Variants in ACSL1 observed in about 807,000 individuals in gnomAD.
ACSL1 encodes long-chain-fatty-acid--CoA ligase 1.
A neutral mutation model predicts 98.4 loss-of-function variants in ACSL1; 41 were observed. The ratio of observed to expected loss-of-function variants is 0.42; its 90% confidence interval spans 0.32 to 0.54. The LOEUF is 0.54. ACSL1 is among the 20% of genes least tolerant of loss of function. The pLI, the probability that ACSL1 is intolerant of heterozygous loss-of-function variation, is 0.13. For synonymous variants in ACSL1, 316 were observed against 322.7 expected, an observed-to-expected ratio of 0.98 and a Z score of 0.22; for missense variants, 734 against 883.1, an observed-to-expected ratio of 0.83 and a Z score of 2.14.
Position 184,762,028 on chromosome 4 carries a change from G to A in ACSL1, c.1638+379C>T, listed in dbSNP as rs538377545. On this transcript the variant is annotated intron_variant, in intron 17 of 20. Transcript: ENST00000281455. Reference sequence around the variant, plus strand: ...TGTAATCCTAGATACTTGGGAGGCTGAGGCAGGAGAATCACTTGAACCCGA... The same window carrying A: ...TGTAATCCTAGATACTTGGGAGGCTAAGGCAGGAGAATCACTTGAACCCGA... Among the ~76,000 whole-genome samples, 11 of 152,132 alleles carry A rather than the reference G, an allele frequency of 7.2e-5. No homozygotes were observed. The South Asian group carries it at 2.3e-3, about 32-fold the overall frequency.
chr4:184,821,693 A>T (rs1773081743), intron 1 of ACSL1, among the ~76,000 whole-genome samples: 1 of 152,262 alleles, frequency 6.6e-6, no homozygotes, highest in African/African-American at 2.4e-5. Context: ...TCTGAAAAAT[A>T]TCCAACAAAT....
intron 4 of ACSL1, among the ~76,000 whole-genome samples, chr4:184,782,672 G>A (rs1408226753): frequency 6.6e-6 from 1 of 152,216 alleles, no homozygotes; most frequent in Non-Finnish European, 1.5e-5. Context: ...GGCTCTGACA[G>A]GACAGAATAA....
chr4:184,767,647 T>A (rs1363503028), intron 12 of ACSL1, among the ~76,000 whole-genome samples: 1 of 152,232 alleles, frequency 6.6e-6, no homozygotes, highest in Non-Finnish European at 1.5e-5. Context: ...ATACAGAGTA[T>A]TATATGTTGA....
In ACSL1 at chr4:184,803,677, A is replaced by C; in HGVS notation, c.-32-131T>G. Reference sequence around the variant, plus strand: ...GTCCAGGCATTAAACCCACAATCTAATGATCCGGGGCTTTTCCTGGCTGTC... The same window carrying C: ...GTCCAGGCATTAAACCCACAATCTACTGATCCGGGGCTTTTCCTGGCTGTC... On this transcript the variant is annotated intron_variant, in intron 1 of 20. Coordinates refer to ENST00000281455, the MANE Select transcript of ACSL1 (RefSeq NM_001995.5). This position sits in a 1 kb window ranked among gnomAD's most constrained non-coding sequence, Gnocchi z 4.8. 4.3e-6 allele frequency: 2 copies of C among 465,974 alleles called. No homozygotes were observed. The highest frequency in any genetic ancestry group is 3.6e-6 in the Non-Finnish European group (1 of 281,190). The allele number at this position is 465,974 out of a possible 1,614,324, so 28.9% of individuals were successfully genotyped here. A position where few individuals can be genotyped will look rare whatever the true frequency, so the allele number is the denominator to read the frequency against.
intron 2 of ACSL1, among the ~76,000 whole-genome samples, chr4:184,790,432 T>C (rs887798347): frequency 3.9e-5 from 6 of 152,230 alleles, no homozygotes; most frequent in Admixed American, 3.3e-4. Flanking sequence ...CATGTGTGTA[T>C]TTCACTCTTG....
Position 184,773,698 on chromosome 4 carries a change from T to C in ACSL1, c.806A>G (p.Asp269Gly). 6.2e-7 allele frequency: 1 copy of C among 1,611,294 alleles called. No individual in the cohort carries two copies. The highest frequency in any genetic ancestry group is 8.5e-7 in the Non-Finnish European group (1 of 1,179,288). The change falls in exon 9 of 21, where the codon GAT (aspartate) becomes GGT (glycine). Residue 269 changes from aspartate (D) to glycine (G), a missense_variant. Asp to Gly is a moderately conservative substitution (Grantham distance 94, BLOSUM62 -1). Coordinates refer to ENST00000281455, the MANE Select transcript of ACSL1 (RefSeq NM_001995.5). This position sits in a 1 kb window ranked among gnomAD's most constrained non-coding sequence, Gnocchi z 4.3. ...RRKPKPPAPE[D>G]LAVICFTSGT... ...ACTTGTGAAACAAATTACTGCAAGA[T>C]CTTCAGGTGCTGGAGGCTAAAGATT...
In ACSL1 at chr4:184,770,438, A is replaced by C; in HGVS notation, c.954T>G (p.Ser318=). 1 of 1,613,784 alleles carries C rather than the reference A, an allele frequency of 6.2e-7. No individual in the cohort carries two copies. The highest frequency in any genetic ancestry group is 8.5e-7 in the Non-Finnish European group (1 of 1,179,962). ...VNPCPDDTLI[S]FLPLAHMFER... is the part of the protein sequence containing the mutation. ...CAAACATATGGGCGAGAGGCAAGAA[A>C]GATATCAAAGTATCATCTGGGCAAG... The change falls in exon 11 of 21, where the codon TCT becomes TCG. Residue 318 remains serine (S), a synonymous_variant. Coordinates refer to ENST00000281455, the MANE Select transcript of ACSL1 (RefSeq NM_001995.5).
chr4:184,768,737 A>G (rs569895964), intron 11 of ACSL1, among the ~76,000 whole-genome samples: 20 of 152,216 alleles, frequency 1.3e-4, no homozygotes, highest in South Asian at 8.3e-4. Flanking sequence ...TGCGGTGGTA[A>G]GTATCTGTTC....
Position 184,760,354 on chromosome 4 carries a change from T to G in ACSL1, c.1782+3A>C, listed in dbSNP as rs185445390. ...CAAGATTCAAGACCCAGAAAGCACA[T>G]ACCTGCAGGCTTTCTCCGTGGACAA... On this transcript the variant is annotated splice_donor_region_variant and intron_variant, in intron 18 of 20. Coordinates refer to ENST00000281455, the MANE Select transcript of ACSL1 (RefSeq NM_001995.5). 6 of 1,613,902 alleles carry G rather than the reference T, an allele frequency of 3.7e-6. No individual in the cohort carries two copies. In the Admixed American group the frequency reaches 1.0e-4, roughly 27 times the overall value.
At chr4:184,820,105 T>A (rs932644994) in intron 1 of ACSL1, among the ~76,000 whole-genome samples, 2 of 152,098 alleles carry the variant, frequency 1.3e-5, no homozygotes, top group African/African-American at 4.8e-5. Context: ...TTGTGTTACC[T>A]TGGCCAAGTC....
chr4:184,758,037 C>G (rs191282598), intron 18 of ACSL1, 117 bp from the exon 19 acceptor site: 1 of 956,760 alleles, frequency 1.0e-6, no homozygotes, highest in East Asian at 2.6e-5. Context: ...TATGGCTCAT[C>G]TATTCAGAAC....
intron 1 of ACSL1, among the ~76,000 whole-genome samples, chr4:184,806,233 G>C (rs1561238721): frequency 1.3e-5 from 2 of 152,204 alleles, no homozygotes; most frequent in Admixed American, 1.3e-4. Context: ...ATGTACACCA[G>C]GCGGGATAAG....
chr4:184,768,730 G>A (rs549990631), intron 11 of ACSL1, among the ~76,000 whole-genome samples: 5 of 152,250 alleles, frequency 3.3e-5, no homozygotes, highest in South Asian at 2.1e-4. Context: ...CTTTTAGTGC[G>A]GTGGTAAGTA....
Position 184,766,693 on chromosome 4 carries a change from CT to C in ACSL1, c.1191del (p.Glu398LysfsTer18). ...RWLLDFASKRKEAELRSGIIR... is the reference protein window; with the variant it reads ...RWLLDFASKRXEAELRSGIIR... ...ATGATGCCGCTGCGAAGCTCTGCTTCTTTCCTCTTGGAGGCAAAGTCCAAGA... is the reference window on the plus strand; with the variant it reads ...ATGATGCCGCTGCGAAGCTCTGCTTCTTCCTCTTGGAGGCAAAGTCCAAGA... On this transcript the variant is annotated frameshift_variant, in exon 13 of 21. Coordinates refer to ENST00000281455, the MANE Select transcript of ACSL1 (RefSeq NM_001995.5). LOFTEE classifies it high-confidence loss of function. The surrounding 1 kb of genome is among the most constrained non-coding windows in gnomAD (Gnocchi z 4.8). 1 of 1,614,206 alleles carries C rather than the reference CT, an allele frequency of 6.2e-7. No homozygotes were observed. The highest frequency in any genetic ancestry group is 8.5e-7 in the Non-Finnish European group (1 of 1,180,038).
rs1773359807 is a variant in ACSL1, at chr4:184,825,057, C to G, written c.-33+859G>C. 4 of 458,926 alleles carry G rather than the reference C, an allele frequency of 8.7e-6. No individual in the cohort carries two copies. The highest frequency in any genetic ancestry group is 1.1e-5 in the Non-Finnish European group (4 of 348,632). The allele number at this position is 458,926 out of a possible 1,614,324, so 28.4% of individuals were successfully genotyped here. On this transcript the variant is annotated intron_variant, in intron 1 of 20. Coordinates refer to ENST00000281455, the MANE Select transcript of ACSL1 (RefSeq NM_001995.5). The surrounding 1 kb of genome is among the most constrained non-coding windows in gnomAD (Gnocchi z 4.7). Reference sequence around the variant, plus strand: ...CTCCTGCACCAAGAAGCTTAAAAGTCTTAGCCAGGGCACTAGAGAACGCTT... The same window carrying G: ...CTCCTGCACCAAGAAGCTTAAAAGTGTTAGCCAGGGCACTAGAGAACGCTT...
Position 184,757,506 on chromosome 4 carries a change from A to G in ACSL1, c.1956+129T>C. The G allele has an allele frequency of 1.0e-6, 1 of 996,336 alleles. No homozygotes were observed. Among genetic ancestry groups the G allele is most frequent in the Non-Finnish European group, 1.5e-6 (1 of 669,344 alleles). 61.7% of individuals were successfully genotyped at this position (996,336 alleles called of 1,614,324 possible). ...TGATTTAAAAACCTTTCCCCTGTCAAACTACTCCATTATTTATTCCTCATG... is the reference window on the plus strand; with the variant it reads ...TGATTTAAAAACCTTTCCCCTGTCAGACTACTCCATTATTTATTCCTCATG... On this transcript the variant is annotated intron_variant, in intron 20 of 20. Coordinates refer to ENST00000281455, the MANE Select transcript of ACSL1 (RefSeq NM_001995.5). This position sits in a 1 kb window ranked among gnomAD's most constrained non-coding sequence, Gnocchi z 4.5.
intron 1 of ACSL1, chr4:184,820,924 C>T: frequency 2.1e-5 from 9 of 424,570 alleles, no homozygotes; most frequent in Admixed American, 2.5e-5. Flanking sequence ...GAACTTCTAG[C>T]TCTGGAGGGG....
rs749957170 is a variant in ACSL1, at chr4:184,803,533, C to A, written c.-19G>T. 2 of 1,478,528 alleles carry A rather than the reference C, an allele frequency of 1.4e-6. No homozygotes were observed. Among genetic ancestry groups the A allele is most frequent in the African/African-American group, 2.8e-5 (2 of 70,812 alleles). The allele number at this position is 1,478,528 out of a possible 1,614,324, so 91.6% of individuals were successfully genotyped here. On this transcript the variant is annotated 5_prime_UTR_variant, in exon 2 of 21. Transcript: ENST00000281455. The surrounding 1 kb of genome is among the most constrained non-coding windows in gnomAD (Gnocchi z 4.8). The stretch of plus-strand genomic sequence containing the variant: ...CTTGCATTGTCCTGTGTTGATAGTT[C>A]TCTAAGCTGAATTCTGTTGGGAGAG...
At chr4:184,807,057 G>A (rs1470462283) in intron 1 of ACSL1, among the ~76,000 whole-genome samples, 1 of 152,154 alleles carries the variant, frequency 6.6e-6, no homozygotes, top group East Asian at 1.9e-4. Flanking sequence ...ATTTAAAAAT[G>A]GAGGTACACC....
Sources: allele counts gnomAD v4.1 joint callset (sites outside exome capture counted in the v4.1 genomes callset), GRCh38; gene constraint gnomAD v4.1.1; non-coding constraint Gnocchi (gnomAD v3.1); transcripts MANE v1.5; gene names NCBI Gene and HGNC (gene_info 2026-07-23, HGNC 2026-07-21).